Variants in SLC4A2 observed in about 807,000 individuals in gnomAD.
The protein encoded by SLC4A2 is solute carrier family 4 member 2.
In SLC4A2, 36 loss-of-function variants were observed where a neutral mutation model predicts 115.0. The ratio of observed to expected loss-of-function variants is 0.31; its 90% CI spans 0.24 to 0.41. SLC4A2 has a LOEUF of 0.41. SLC4A2 is among the 10% of genes least tolerant of loss of function. The pLI is 1.00. For missense variants in SLC4A2, 1,252 were observed against 1,705.6 expected, an observed-to-expected ratio of 0.73 and a Z score of 4.68; for synonymous variants, 708 against 708.3, an observed-to-expected ratio of 1.00 and a Z score of 0.01.
At chr7:151,072,353 G>A (rs1462329042) in intron 16 of SLC4A2, among the ~76,000 whole-genome samples, 1 of 152,182 alleles carries the variant, frequency 6.6e-6, no homozygotes, top group Non-Finnish European at 1.5e-5. Context: ...GTGCAGTGGC[G>A]TGACCTTGGC....
chr7:151,076,110 C>T lies in SLC4A2; in HGVS notation c.3569C>T (p.Pro1190Leu), dbSNP rs1797625434. The stretch of plus-strand genomic sequence containing the variant: ...TCCACAGCTGCCTCCCTGGCCTTCC[C>T]CTTCATCCTCATCCTCACAGTGCCG... ...VMSTAASLAF[P>L]FILILTVPLR... The change falls in exon 22 of 23, where the codon CCC becomes CTC. Residue 1190 changes from proline (P) to leucine (L), a missense_variant. Physicochemically the swap from Pro to Leu is moderately conservative, Grantham distance 98 (BLOSUM62 -3). Coordinates refer to ENST00000413384, the MANE Select transcript of SLC4A2 (RefSeq NM_003040.4). 1 of 1,610,916 alleles carries T rather than the reference C, an allele frequency of 6.2e-7. No individual in the cohort carries two copies. Among genetic ancestry groups the T allele is most frequent in the Non-Finnish European group, 8.5e-7 (1 of 1,180,006 alleles).
rs371330147 is a variant in SLC4A2 at position 151,064,312 on chromosome 7, C to T, written c.162C>T (p.Ala54=). The T allele has an allele frequency of 6.9e-5, 97 of 1,415,460 alleles. 1 individual carries two copies. The highest frequency in any genetic ancestry group is 5.3e-4 in the South Asian group (47 of 88,344). The allele number at this position is 1,415,460 out of a possible 1,614,324, so 87.7% of individuals were successfully genotyped here. A position where few individuals can be genotyped will look rare whatever the true frequency, so the allele number is the denominator to read the frequency against. The part of the protein sequence containing the change: ...VERFEEILQE[A]GSRGGEEPGR... ...GGTTTGAGGAGATCCTACAGGAGGC[C>T]GGGTCTCGTGGAGGGGAGGAGCCAG... Residue 54 remains alanine, a synonymous_variant, in exon 3 of 23, where the codon GCC becomes GCT. Transcript: ENST00000413384.
In SLC4A2 at chr7:151,062,007, G is replaced by A. The variant is rs747989506; in HGVS notation, c.20G>A (p.Arg7His). The change falls in exon 2 of 23, where the codon CGC becomes CAC. Residue 7 changes from arginine to histidine, a missense_variant. This residue lies in a region of SLC4A2 where 74 missense variants were observed against 85.3 expected (regional missense o/e 0.87). Transcript: ENST00000413384. MSSAPR[R>H]PAKGADSFCT... ...TCGGCCATGAGCAGCGCCCCTCGGC[G>A]CCCCGCCAAGGGCGCAGATTCTTTC... 12 of 1,609,582 alleles carry A rather than the reference G, an allele frequency of 7.5e-6. No individual in the cohort carries two copies. Among genetic ancestry groups the A allele is most frequent in the South Asian group, 5.5e-5 (5 of 90,920 alleles).
Position 151,071,665 on chromosome 7 carries a change from C to T in SLC4A2, c.2192-24C>T. On this transcript the variant is annotated intron_variant, in intron 14 of 22. Transcript: ENST00000413384. This position sits in a 1 kb window ranked among gnomAD's most constrained non-coding sequence, Gnocchi z 5.5. ...CTGCCCAGGGCCTGGCCACCAGCTC[C>T]TGAGCTGGTTCCTACACCCCTAGGA... is the stretch of plus-strand genomic sequence containing the variant. 5.6e-6 allele frequency: 9 copies of T among 1,611,852 alleles called. No individual in the cohort carries two copies. Among genetic ancestry groups the T allele is most frequent in the Non-Finnish European group, 7.6e-6 (9 of 1,178,762 alleles).
rs974648681 is a variant in SLC4A2 at position 151,064,216 on chromosome 7, C to G, written c.66C>G (p.Ser22Arg). ...ADSFCTPEPE[S>R]LGPGTPGFPE... ...CTTCCTCACAGCCAGAGCCAGAGAG[C>G]TTGGGCCCTGGGACGCCTGGGTTCC... is the stretch of plus-strand genomic sequence containing the variant. The change falls in exon 3 of 23, where the codon AGC becomes AGG. Residue 22 changes from serine to arginine, a missense_variant. Ser to Arg is a moderately radical substitution (Grantham distance 110, BLOSUM62 -1). Around this residue, in one of 14 missense-constraint regions of SLC4A2, gnomAD observed 74 missense variants for 85.3 expected, o/e 0.87. Transcript: ENST00000413384. The G allele has an allele frequency of 6.2e-7, 1 of 1,612,322 alleles. No individual in the cohort carries two copies. Among genetic ancestry groups the G allele is most frequent in the Admixed American group, 1.7e-5 (1 of 60,000 alleles).
Position 151,070,036 on chromosome 7 carries a change from G to A in SLC4A2, c.1237G>A (p.Ala413Thr), listed in dbSNP as rs1181146275. The A allele has an allele frequency of 1.2e-6, 2 of 1,614,162 alleles. No homozygotes were observed. Among genetic ancestry groups the A allele is most frequent in the East Asian group, 4.5e-5 (2 of 44,888 alleles). Residue 413 changes from alanine (A) to threonine (T), a missense_variant, in exon 9 of 23, where the codon GCC (alanine) becomes ACC (threonine). By Grantham distance (58) the Ala-to-Thr change is moderately conservative. This residue lies in a region of SLC4A2 where 142 missense variants were observed against 153.5 expected (regional missense o/e 0.93). Coordinates refer to ENST00000413384, the MANE Select transcript of SLC4A2 (RefSeq NM_003040.4). ...GATGGTCATCTCTGACCAGATCAAG[G>A]CCGAGGACAGGGCCAACGTGCTGCG... is the stretch of plus-strand genomic sequence containing the variant. ...EQMVISDQIK[A>T]EDRANVLRAL...
intron 8 of SLC4A2, among the ~76,000 whole-genome samples, chr7:151,068,321 C>T (rs905992658): frequency 6.6e-6 from 1 of 152,112 alleles, no homozygotes; most frequent in African/African-American, 2.4e-5. Context: ...GCCTTGGTAC[C>T]ATCTTAGAGA....
rs778549786 is a variant in SLC4A2, at chr7:151,075,685, C to T, written c.3381C>T (p.Val1127=). The change falls in exon 21 of 23, where the codon GTC becomes GTT. Residue 1127 remains valine, a synonymous_variant. Coordinates refer to ENST00000413384, the MANE Select transcript of SLC4A2 (RefSeq NM_003040.4). ...VLFGIFLYMG[V]TSLNGIQFYE... is the part of the protein sequence containing the mutation. Reference sequence around the variant, plus strand: ...TTGGAATTTTCCTGTACATGGGAGTCACCTCCCTTAACGGGATCCAGTTCT... The same window carrying T: ...TTGGAATTTTCCTGTACATGGGAGTTACCTCCCTTAACGGGATCCAGTTCT... The T allele has an allele frequency of 2.0e-5, 32 of 1,611,842 alleles. No homozygotes were observed. The highest frequency in any genetic ancestry group is 3.3e-5 in the Admixed American group (2 of 59,984).
Position 151,071,935 on chromosome 7 carries a change from C to T in SLC4A2, c.2341-7C>T, listed in dbSNP as rs1285744553. The T allele has an allele frequency of 1.2e-6, 2 of 1,613,054 alleles. No homozygotes were observed. Among genetic ancestry groups the T allele is most frequent in the Admixed American group, 3.3e-5 (2 of 59,986 alleles). Reference sequence around the variant, plus strand: ...AGAGCTCAGGACCTGACTGCCCCTCCCTCCAGTTCTGTAGCAGCAACCACC... The same window carrying T: ...AGAGCTCAGGACCTGACTGCCCCTCTCTCCAGTTCTGTAGCAGCAACCACC... On this transcript the variant is annotated splice_polypyrimidine_tract_variant and splice_region_variant and intron_variant, in intron 15 of 22. Transcript: ENST00000413384. This position sits in a 1 kb window ranked among gnomAD's most constrained non-coding sequence, Gnocchi z 5.5.
At position 151,064,629 on chromosome 7, in the gene SLC4A2, A is replaced by G. The variant is rs1028332430; in HGVS notation, c.321A>G (p.Arg107=). ...CCCAGGGCCCAGGACGGAAGCCTCG[A>G]AGGCGCCCGGGAGCCTCCCCGACTG... is the stretch of plus-strand genomic sequence containing the variant. ...KTPQGPGRKP[R]RRPGASPTGE... Residue 107 remains arginine (R), a synonymous_variant, in exon 4 of 23, where the codon CGA becomes CGG. Coordinates refer to ENST00000413384, the MANE Select transcript of SLC4A2 (RefSeq NM_003040.4). 1 of 1,613,470 alleles carries G rather than the reference A, an allele frequency of 6.2e-7. No homozygotes were observed. Among genetic ancestry groups the G allele is most frequent in the Non-Finnish European group, 8.5e-7 (1 of 1,179,840 alleles).
Position 151,074,180 on chromosome 7 carries a change from A to C in SLC4A2, c.2677A>C (p.Lys893Gln). 1.2e-6 allele frequency: 2 copies of C among 1,612,900 alleles called. No individual in the cohort carries two copies. Among genetic ancestry groups the C allele is most frequent in the Non-Finnish European group, 1.7e-6 (2 of 1,179,968 alleles). The change falls in exon 17 of 23, where the codon AAG becomes CAG. Residue 893 changes from lysine (K) to glutamine (Q), a missense_variant. Lys to Gln is a moderately conservative substitution (Grantham distance 53, BLOSUM62 1). Transcript: ENST00000413384. ...CTTGGCTGGGCAGTCTGGGCAGGGG[A>C]AGCCCCGGGGCCAGCCCAACACGGC... is the stretch of plus-strand genomic sequence containing the variant. The part of the protein sequence containing the change: ...RSLAGQSGQG[K>Q]PRGQPNTALL...
chr7:151,071,192 C>G lies in SLC4A2; in HGVS notation c.1870C>G (p.Arg624Gly). 6.2e-7 allele frequency: 1 copy of G among 1,607,088 alleles called. No homozygotes were observed. Among genetic ancestry groups the G allele is most frequent in the Non-Finnish European group, 8.5e-7 (1 of 1,177,282 alleles). Residue 624 changes from arginine to glycine, a missense_variant, in exon 13 of 23, where the codon CGC becomes GGC. By Grantham distance (125) the Arg-to-Gly change is moderately radical. Transcript: ENST00000413384. This position sits in a 1 kb window ranked among gnomAD's most constrained non-coding sequence, Gnocchi z 5.5. ...PSEVQGEELL[R>G]SVAHFQRQML... ...AGAAGTGCAGGGCGAGGAGCTGCTG[C>G]GCTCTGTGGCCCACTTCCAGCGCCA...
rs1222927076 is a variant in SLC4A2 at position 151,066,525 on chromosome 7, TGGAGGA to T, written c.590_595del (p.Glu197_Glu198del). ...CCATTCTGTCTGCCTAGAACCCAGGTGGAGGAGGCGGAGGCGGAGGCGGTGGCGGTG... is the reference window on the plus strand; with the variant it reads ...CCATTCTGTCTGCCTAGAACCCAGGTGGCGGAGGCGGAGGCGGTGGCGGTG... On this transcript the variant is annotated inframe_deletion, in exon 6 of 23. Coordinates refer to ENST00000413384, the MANE Select transcript of SLC4A2 (RefSeq NM_003040.4). The T allele has an allele frequency of 6.6e-7, 1 of 1,521,596 alleles. No homozygotes were observed. Among genetic ancestry groups the T allele is most frequent in the East Asian group, 2.5e-5 (1 of 40,742 alleles). 94.3% of individuals were successfully genotyped at this position (1,521,596 alleles called of 1,614,324 possible). A position where few individuals can be genotyped will look rare whatever the true frequency, so the allele number is the denominator to read the frequency against.
intron 16 of SLC4A2, among the ~76,000 whole-genome samples, 188 bp downstream of exon 16, chr7:151,072,324 C>T (rs35648511): frequency 0.025 from 3,836 of 152,310 alleles, 158 homozygotes; most frequent in African/African-American, 0.085. Context: ...GACATTCTTA[C>T]TCTGTTGCCC....
At chr7:151,074,948 G>T in intron 19 of SLC4A2, 107 bp downstream of exon 19, 1 of 1,206,172 alleles carries the variant, frequency 8.3e-7, no homozygotes, top group Non-Finnish European at 1.1e-6. Context: ...GGACCTCAGG[G>T]AACCTTGGAT....
At position 151,070,394 on chromosome 7, in the gene SLC4A2, G is replaced by T. The variant is rs779080111; in HGVS notation, c.1449+48G>T. 8 of 1,611,132 alleles carry T rather than the reference G, an allele frequency of 5.0e-6. No individual in the cohort carries two copies. The Admixed American group carries it at 1.3e-4, about 27-fold the overall frequency. ...CTGGGCTGGCGGCAGGGCTGAGGAA[G>T]CCTGGGTGTGGACTCAGAGTGGGAG... On this transcript the variant is annotated intron_variant, in intron 10 of 22. Coordinates refer to ENST00000413384, the MANE Select transcript of SLC4A2 (RefSeq NM_003040.4).
intron 8 of SLC4A2, among the ~76,000 whole-genome samples, chr7:151,068,271 G>A (rs557549853): frequency 6.6e-6 from 1 of 152,308 alleles, no homozygotes; most frequent in East Asian, 1.9e-4. Context: ...AAATGTTCGA[G>A]AAGCTATTTA....
At chr7:151,075,863 G>T in intron 21 of SLC4A2, 88 bp downstream of exon 21, 1 of 1,443,708 alleles carries the variant, frequency 6.9e-7, no homozygotes, top group Admixed American at 2.0e-5. Context: ...CCTCCCATCT[G>T]CCCAGTTCAG....
Position 151,076,025 on chromosome 7 carries a change from C to G in SLC4A2, c.3484C>G (p.Arg1162Gly). The change falls in exon 22 of 23, where the codon CGT becomes GGT. Residue 1162 changes from arginine (R) to glycine (G), a missense_variant. Physicochemically the swap from Arg to Gly is moderately radical, Grantham distance 125. Around this residue, in one of 14 missense-constraint regions of SLC4A2, gnomAD observed 253 missense variants for 407.4 expected, o/e 0.62. Coordinates refer to ENST00000413384, the MANE Select transcript of SLC4A2 (RefSeq NM_003040.4). Reference protein sequence around the residue: ...VTYVKKVRTLRMHLFTALQLL... With the variant: ...VTYVKKVRTLGMHLFTALQLL... ...CTCCGCCCCCCAGGTCCGGACCCTCCGTATGCACCTGTTCACGGCCCTGCA... is the reference window on the plus strand; with the variant it reads ...CTCCGCCCCCCAGGTCCGGACCCTCGGTATGCACCTGTTCACGGCCCTGCA... The G allele has an allele frequency of 6.2e-7, 1 of 1,606,428 alleles. No individual in the cohort carries two copies. Among genetic ancestry groups the G allele is most frequent in the Non-Finnish European group, 8.5e-7 (1 of 1,176,648 alleles).
Sources: gnomAD v4.1 joint callset for allele counts (sites outside exome capture counted in the v4.1 genomes callset) on GRCh38, gnomAD v4.1.1 for gene constraint, gnomAD v4.1.1 regional missense constraint, Gnocchi (gnomAD v3.1) non-coding constraint, MANE v1.5 for transcripts, NCBI Gene and HGNC (gene_info 2026-07-23, HGNC 2026-07-21) for gene names.